The following DIAPH3 variants were observed in gnomAD, a reference collection of about 807,000 sequenced individuals.
The protein encoded by DIAPH3 is diaphanous related formin 3.
A neutral mutation model predicts 144.3 loss-of-function variants in DIAPH3; 117 were observed. The observed-to-expected ratio is 0.81, with a 90% CI of 0.70 to 0.95. The LOEUF (loss-of-function observed/expected upper bound fraction) is 0.95. DIAPH3 is among the 40% of genes least tolerant of loss of function. The probability of loss-of-function intolerance (pLI) is 0.00; values close to 1 mark genes in which losing one functional copy is unlikely to be tolerated. For missense variants in DIAPH3, 1,421 were observed against 1,412.7 expected, an observed-to-expected ratio of 1.01 and a Z score of -0.09; for synonymous variants, 519 against 488.9, an observed-to-expected ratio of 1.06 and a Z score of -0.81.
chr13:60,119,746 C>CAAAAA (rs34356415), intron 2 of DIAPH3, among the ~76,000 whole-genome samples: 575 of 48,758 alleles, frequency 0.012, no homozygotes, highest in East Asian at 0.015. Flanking sequence ...GACTCCGTCT[C>CAAAAA]AAAAAAAAAA....
intron 12 of DIAPH3, among the ~76,000 whole-genome samples, chr13:59,988,474 C>T (rs997569780): frequency 6.6e-6 from 1 of 151,860 alleles, no homozygotes; most frequent in Non-Finnish European, 1.5e-5. Context: ...TTCCTCAACT[C>T]CACAATGTCC....
At chr13:59,885,312 G>A (rs1234156183) in intron 20 of DIAPH3, among the ~76,000 whole-genome samples, 6 of 151,958 alleles carry the variant, frequency 3.9e-5, no homozygotes, top group Admixed American at 6.6e-5. Context: ...ATTCATGCCC[G>A]CTTCCAGACA....
At chr13:60,109,916 G>C (rs1010278899) in intron 3 of DIAPH3, among the ~76,000 whole-genome samples, 8 of 152,152 alleles carry the variant, frequency 5.3e-5, no homozygotes, top group African/African-American at 1.9e-4. Flanking sequence ...CTTTCAGCTA[G>C]AATTTCAGCT....
chr13:59,888,594 T>C (rs1321238175), intron 20 of DIAPH3, among the ~76,000 whole-genome samples: 1 of 152,138 alleles, frequency 6.6e-6, no homozygotes, highest in Non-Finnish European at 1.5e-5. Flanking sequence ...ATTGGAATTA[T>C]AAACCCTGTT....
Position 59,715,356 on chromosome 13 carries a change from T to C in DIAPH3, c.3320-48510A>G, listed in dbSNP as rs983765883. ...TTTTTTAGAGGGTTCTAAAGAAAAC[T>C]TGTGAAGATAAAAGCTTCAGGATAT... On this transcript the variant is annotated intron_variant, in intron 27 of 27. Coordinates refer to ENST00000400324, the MANE Select transcript of DIAPH3 (RefSeq NM_001042517.2). Among the ~76,000 whole-genome samples, 10 of 152,274 alleles carry C rather than the reference T, an allele frequency of 6.6e-5. No individual in the cohort carries two copies. In the East Asian group the frequency reaches 1.5e-3, roughly 23 times the overall value.
chr13:59,888,026 C>A (rs2045560627), intron 20 of DIAPH3, among the ~76,000 whole-genome samples: 1 of 152,044 alleles, frequency 6.6e-6, no homozygotes, highest in East Asian at 1.9e-4. Flanking sequence ...TGATATTTTT[C>A]ATGTGCTATT....
chr13:59,980,710 C>A, intron 14 of DIAPH3, 85 bp downstream of exon 14: 1 of 1,221,348 alleles, frequency 8.2e-7, no homozygotes, highest in Non-Finnish European at 1.2e-6. Context: ...GAAGAAAGAA[C>A]GAATAACAAG....
rs564756108 is a variant in DIAPH3, at chr13:60,016,111, A to G, written c.661T>C (p.Leu221=). 6.2e-7 allele frequency: 1 copy of G among 1,613,810 alleles called. No homozygotes were observed. The highest frequency in any genetic ancestry group is 1.7e-5 in the Admixed American group (1 of 60,004). The change falls in exon 6 of 28, where the codon TTA becomes CTA. Residue 221 remains leucine, a synonymous_variant. Transcript: ENST00000400324. ...VESFGHEGLG[L]LLDILEKLIS... ...AGTTTTTCCAAAATGTCTAATAATA[A>G]TCCAAGCCCTTCATGTCCAAAGCTT...
intron 27 of DIAPH3, among the ~76,000 whole-genome samples, chr13:59,730,611 A>C (rs1197627719): frequency 2.0e-5 from 3 of 152,254 alleles, no homozygotes; most frequent in Non-Finnish European, 2.9e-5. Flanking sequence ...AGTTAAAGGT[A>C]AAATGAAATT....
At chr13:59,854,343 T>C (rs2043146410) in intron 22 of DIAPH3, among the ~76,000 whole-genome samples, 1 of 152,210 alleles carries the variant, frequency 6.6e-6, no homozygotes. Context: ...TGGTAATTGG[T>C]TATGGCAGCC....
chr13:59,815,976 T>G (rs973709478), intron 24 of DIAPH3, among the ~76,000 whole-genome samples: 1 of 152,132 alleles, frequency 6.6e-6, no homozygotes, highest in Non-Finnish European at 1.5e-5. Flanking sequence ...TTGACTCCTT[T>G]CCTACTTTGG....
chr13:60,158,064 T>C (rs1253173010), intron 1 of DIAPH3, among the ~76,000 whole-genome samples: 1 of 152,224 alleles, frequency 6.6e-6, no homozygotes, highest in Non-Finnish European at 1.5e-5. Context: ...ATGACCCTGA[T>C]TAGGGGCTTC....
chr13:59,967,824 G>A (rs2050144554), intron 17 of DIAPH3, among the ~76,000 whole-genome samples: 1 of 152,118 alleles, frequency 6.6e-6, no homozygotes, highest in African/African-American at 2.4e-5. Flanking sequence ...GCTTACCACT[G>A]AGAAATGTTA....
chr13:59,737,136 A>G (rs1249386896), intron 27 of DIAPH3, among the ~76,000 whole-genome samples: 1 of 152,186 alleles, frequency 6.6e-6, no homozygotes, highest in Non-Finnish European at 1.5e-5. Flanking sequence ...TGCAACAAAA[A>G]CAATTGACAA....
chr13:59,780,300 G>A (rs1593833637), intron 25 of DIAPH3, among the ~76,000 whole-genome samples: 3 of 152,290 alleles, frequency 2.0e-5, no homozygotes, highest in Admixed American at 1.3e-4. Flanking sequence ...AGGGACTGTA[G>A]AGGGAATAGC....
intron 17 of DIAPH3, among the ~76,000 whole-genome samples, chr13:59,926,945 T>C (rs1280734365): frequency 2.0e-5 from 3 of 152,218 alleles, no homozygotes; most frequent in Non-Finnish European, 4.4e-5. Flanking sequence ...TACAACTATA[T>C]TGGAGTGTCT....
intron 27 of DIAPH3, among the ~76,000 whole-genome samples, chr13:59,690,130 C>G (rs2033427712): frequency 6.6e-6 from 1 of 152,054 alleles, no homozygotes; most frequent in Non-Finnish European, 1.5e-5. Flanking sequence ...GTTGAAACAT[C>G]AACTCTGCTC....
chr13:59,698,957 A>G (rs2033957522), intron 27 of DIAPH3, among the ~76,000 whole-genome samples: 1 of 152,226 alleles, frequency 6.6e-6, no homozygotes, highest in African/African-American at 2.4e-5. Flanking sequence ...GTAAAATATT[A>G]GTGATTGCAA....
chr13:59,954,971 GGACATGGA>G (rs1257596632), intron 17 of DIAPH3, among the ~76,000 whole-genome samples: 1 of 151,486 alleles, frequency 6.6e-6, no homozygotes, highest in East Asian at 1.9e-4. Flanking sequence ...ATTTGGGTGG[GGACATGGA>G]GACAAACCAT....
Sources: gnomAD v4.1 joint callset for allele counts (sites outside exome capture counted in the v4.1 genomes callset) on GRCh38, gnomAD v4.1.1 for gene constraint, MANE v1.5 for transcripts, NCBI Gene and HGNC (gene_info 2026-07-23, HGNC 2026-07-21) for gene names.